MAMDC2: variants seen among roughly 807,000 people sequenced by gnomAD.
MAMDC2 encodes MAM domain containing 2.
MAMDC2 carries 57 observed loss-of-function variants against 89.8 expected under a neutral mutation model. That is an observed-to-expected ratio of 0.63 (90% CI 0.51 to 0.79). The LOEUF is 0.79. Ranked by LOEUF, MAMDC2 falls within the 30% of genes least tolerant of loss-of-function variation. The pLI is 0.00. For missense variants in MAMDC2, 800 were observed against 820.6 expected (o/e 0.97, Z 0.31); for synonymous variants, 313 against 293.4 (o/e 1.07, Z -0.68).
intron 2 of MAMDC2, among the ~76,000 whole-genome samples, chr9:70,066,489 G>A (rs1359029461): frequency 6.6e-6 from 1 of 152,120 alleles, no homozygotes; most frequent in African/African-American, 2.4e-5. Flanking sequence ...GGCTGGTGTA[G>A]GTAGTATACT....
At chr9:70,208,258 C>T (rs2033272633) in intron 11 of MAMDC2, among the ~76,000 whole-genome samples, 1 of 152,178 alleles carries the variant, frequency 6.6e-6, no homozygotes, top group African/African-American at 2.4e-5. Flanking sequence ...TTCTTCCTAT[C>T]CATGAGCATG....
At position 70,209,748 on chromosome 9, in the gene MAMDC2, T is replaced by C. The variant is rs2033311242; in HGVS notation, c.1652-8589T>C. Reference sequence around the variant, plus strand: ...TGTTAGGGTGTCAATTTTAGATCTTTCCTGCTTTCTCTTGTGGGCATTTAG... The same window carrying C: ...TGTTAGGGTGTCAATTTTAGATCTTCCCTGCTTTCTCTTGTGGGCATTTAG... On this transcript the variant is annotated intron_variant, in intron 11 of 13. Coordinates refer to ENST00000377182, the MANE Select transcript of MAMDC2 (RefSeq NM_153267.5). Among the ~76,000 whole-genome samples, 5 of 152,232 alleles carry C rather than the reference T, an allele frequency of 3.3e-5. No individual in the cohort carries two copies. The South Asian group carries it at 1.0e-3, about 31-fold the overall frequency.
At chr9:70,122,833 C>G (rs530010379) in intron 5 of MAMDC2, among the ~76,000 whole-genome samples, 2 of 152,198 alleles carry the variant, frequency 1.3e-5, no homozygotes, top group South Asian at 2.1e-4. Flanking sequence ...GGAAAACTTT[C>G]AGCTCAGGAC....
chr9:70,165,601 C>T (rs1432774865), intron 9 of MAMDC2, among the ~76,000 whole-genome samples: 2 of 152,170 alleles, frequency 1.3e-5, no homozygotes, highest in Non-Finnish European at 2.9e-5. Context: ...TAGACGTCTG[C>T]TATTGTCCAA....
At chr9:70,131,274 C>T (rs1303854571) in intron 6 of MAMDC2, among the ~76,000 whole-genome samples, 1 of 152,120 alleles carries the variant, frequency 6.6e-6, no homozygotes, top group Non-Finnish European at 1.5e-5. Flanking sequence ...CATATGTCAA[C>T]GTATGACTTT....
At chr9:70,156,492 T>C (rs1328094025) in intron 9 of MAMDC2, among the ~76,000 whole-genome samples, 3 of 152,234 alleles carry the variant, frequency 2.0e-5, no homozygotes, top group Non-Finnish European at 4.4e-5. Flanking sequence ...CATTTCATGA[T>C]GTCTGGGAAC....
chr9:70,076,193 C>T (rs1278282023), intron 2 of MAMDC2, among the ~76,000 whole-genome samples: 10 of 152,100 alleles, frequency 6.6e-5, no homozygotes, highest in South Asian at 2.1e-4. Flanking sequence ...GAGGCTGAGG[C>T]GGGCAGATCA....
chr9:70,179,932 C>T (rs1927140), intron 11 of MAMDC2, among the ~76,000 whole-genome samples: 134,981 of 149,458 alleles, frequency 0.9, 61,254 homozygotes, highest in East Asian at 0.98. Context: ...GTTTGTTACA[C>T]AGGTATACAT....
Position 70,044,584 on chromosome 9 carries a change from C to A in MAMDC2, c.35C>A (p.Ala12Asp). The A allele has an allele frequency of 1.3e-6, 2 of 1,549,348 alleles. No homozygotes were observed. The highest frequency in any genetic ancestry group is 2.4e-5 in the East Asian group (1 of 40,904). Residue 12 changes from alanine (A) to aspartate (D), a missense_variant and splice_region_variant, in exon 2 of 14, where the codon GCC (alanine) becomes GAC (aspartate). By Grantham distance (126) the Ala-to-Asp change is moderately radical (BLOSUM62 -2). Coordinates refer to ENST00000377182, the MANE Select transcript of MAMDC2 (RefSeq NM_153267.5). ...LLRGVLLALQ[A>D]LQLAGALDLP... ...ACTGAAACTCGCTTTGTGCCCGCAG[C>A]CCTGCAGCTCGCCGGTGCCCTCGAC... is the stretch of plus-strand genomic sequence containing the variant.
At chr9:70,128,210 G>A (rs1457960708) in intron 6 of MAMDC2, among the ~76,000 whole-genome samples, 2 of 152,216 alleles carry the variant, frequency 1.3e-5, no homozygotes, top group Non-Finnish European at 2.9e-5. Context: ...CTGAACAAGA[G>A]AACACATTGG....
chr9:70,182,798 C>G (rs929689605), intron 11 of MAMDC2, among the ~76,000 whole-genome samples: 1 of 152,210 alleles, frequency 6.6e-6, no homozygotes, highest in African/African-American at 2.4e-5. Flanking sequence ...TTTTAAAAAA[C>G]CAGCTCCTGG....
intron 11 of MAMDC2, among the ~76,000 whole-genome samples, chr9:70,208,576 C>G (rs2033280765): frequency 6.6e-6 from 1 of 152,184 alleles, no homozygotes; most frequent in Non-Finnish European, 1.5e-5. Context: ...ATGTCATCTG[C>G]AAACAGGCAC....
intron 2 of MAMDC2, among the ~76,000 whole-genome samples, chr9:70,058,384 C>T (rs549816461): frequency 7.4e-4 from 112 of 152,286 alleles, no homozygotes; most frequent in African/African-American, 2.6e-3. Flanking sequence ...TCTCTGTTTA[C>T]ATCCTCTCTT....
At chr9:70,141,853 G>A (rs976693725) in intron 8 of MAMDC2, among the ~76,000 whole-genome samples, 9 of 152,122 alleles carry the variant, frequency 5.9e-5, no homozygotes, top group African/African-American at 2.2e-4. Context: ...ATGTTAGTAG[G>A]TTTGTTTGTA....
At chr9:70,195,168 A>T (rs760620061) in intron 11 of MAMDC2, among the ~76,000 whole-genome samples, 28 of 152,116 alleles carry the variant, frequency 1.8e-4, no homozygotes, top group Non-Finnish European at 3.7e-4. Context: ...TATCACAAAA[A>T]CTTTTGTATG....
At chr9:70,132,517 CG>C (rs1247935053) in intron 7 of MAMDC2, among the ~76,000 whole-genome samples, 1 of 136,198 alleles carries the variant, frequency 7.3e-6, no homozygotes, top group Non-Finnish European at 1.5e-5. Context: ...TTCTGCAAAT[CG>C]GGGGACTAAG....
At chr9:70,204,215 G>C (rs976334964) in intron 11 of MAMDC2, among the ~76,000 whole-genome samples, 3 of 148,670 alleles carry the variant, frequency 2.0e-5, no homozygotes, top group Non-Finnish European at 4.5e-5. Flanking sequence ...TGATGATGGT[G>C]ATGTACAGAT....
intron 2 of MAMDC2, among the ~76,000 whole-genome samples, chr9:70,054,941 A>G (rs144366858): frequency 0.02 from 3,120 of 152,216 alleles, 93 homozygotes; most frequent in African/African-American, 0.072. Flanking sequence ...GGCCAGGCAT[A>G]GTAGCTCATC....
chr9:70,211,840 T>C (rs542024341), intron 11 of MAMDC2, among the ~76,000 whole-genome samples: 118 of 152,294 alleles, frequency 7.7e-4, no homozygotes, highest in African/African-American at 2.6e-3. Context: ...TAGTTTTCTT[T>C]CTAACAGTCA....
Sources: gnomAD v4.1 joint callset for allele counts (sites outside exome capture counted in the v4.1 genomes callset) on GRCh38, gnomAD v4.1.1 for gene constraint, MANE v1.5 for transcripts, NCBI Gene and HGNC (gene_info 2026-07-23, HGNC 2026-07-21) for gene names.